The following GNAS variants were observed in gnomAD, a reference collection of about 807,000 sequenced individuals.
The protein encoded by GNAS is GNAS complex locus.
A neutral mutation model predicts 54.5 loss-of-function variants in GNAS; 8 were observed. That is an observed-to-expected ratio of 0.15 (90% CI 0.09 to 0.26). The LOEUF is 0.26. Ranked by LOEUF, GNAS falls within the 10% of genes least tolerant of loss-of-function variation. GNAS has a pLI of 1.00. For missense variants in GNAS, 170 were observed against 529.8 expected (o/e 0.32, Z 6.67); for synonymous variants, 204 against 191.4 (o/e 1.07, Z -0.54).
chr20:58,876,681 A>T (rs901249600), intron 1 of GNAS: 1 of 152,192 alleles, frequency 6.6e-6, no homozygotes, highest in Non-Finnish European at 1.5e-5. Context: ...TCTGAGCATG[A>T]GAGGCGTTTG....
intron 1 of GNAS, among the ~76,000 whole-genome samples, chr20:58,866,541 T>A (rs1395721219): frequency 2.0e-5 from 3 of 152,264 alleles, no homozygotes; most frequent in African/African-American, 2.4e-5. Flanking sequence ...TCTAAGCCCC[T>A]AATTTGCATC....
chr20:58,844,155 G>C (rs1295807210), intron 1 of GNAS: 1 of 152,212 alleles, frequency 6.6e-6, no homozygotes, highest in East Asian at 1.9e-4. Flanking sequence ...TGCTCTTCAA[G>C]AAGAGGGAAG....
chr20:58,893,273 G>C (rs1274233113), intron 1 of GNAS, among the ~76,000 whole-genome samples: 1 of 151,700 alleles, frequency 6.6e-6, no homozygotes, highest in Non-Finnish European at 1.5e-5. Context: ...AATAAAAAAA[G>C]GTTAACTATA....
chr20:58,853,860 C>G lies in GNAS; in HGVS notation c.43+12974C>G. On this transcript the variant is annotated intron_variant, in intron 1 of 12. Coordinates refer to the GNAS transcript ENST00000306090. The surrounding 1 kb of genome is among the most constrained non-coding windows in gnomAD (Gnocchi z 4.4). ...TGCTGCAGGGGTCCCCGGAGCTCCT[C>G]CCGAGGAGCCCCAAGCCCTCAGGCC... 1 of 1,593,666 alleles carries G rather than the reference C, an allele frequency of 6.3e-7. No homozygotes were observed. Among genetic ancestry groups the G allele is most frequent in the Non-Finnish European group, 8.5e-7 (1 of 1,170,798 alleles).
chr20:58,859,894 G>A (rs1002723855), intron 1 of GNAS, among the ~76,000 whole-genome samples: 1 of 152,196 alleles, frequency 6.6e-6, no homozygotes, highest in Non-Finnish European at 1.5e-5. Flanking sequence ...AAAGTTCTGG[G>A]ATTACAGGCA....
chr20:58,893,143 C>T (rs2089676070), intron 1 of GNAS, among the ~76,000 whole-genome samples: 1 of 136,394 alleles, frequency 7.3e-6, no homozygotes, highest in Non-Finnish European at 1.5e-5. Context: ...GACTTTTCCT[C>T]CAGGTGGGAA....
chr20:58,893,488 AAAG>A (rs1188636808), intron 1 of GNAS, among the ~76,000 whole-genome samples: 2 of 152,218 alleles, frequency 1.3e-5, no homozygotes, highest in Non-Finnish European at 2.9e-5. Flanking sequence ...GCTTGAGTAT[AAAG>A]AAAATAATAA....
chr20:58,854,528 C>A, intron 1 of GNAS: 2 of 1,580,446 alleles, frequency 1.3e-6, no homozygotes, highest in Non-Finnish European at 1.7e-6. Context: ...CCGATCCTGA[C>A]TCCGGGGCAT....
At chr20:58,901,918 C>T (rs1483534824) in intron 3 of GNAS, among the ~76,000 whole-genome samples, 8 of 147,700 alleles carry the variant, frequency 5.4e-5, no homozygotes, top group African/African-American at 1.3e-4. Flanking sequence ...AACCTCCCTT[C>T]GCCTTTCCTC....
At chr20:58,840,188 G>C (rs759833927), upstream of GNAS, 1 of 1,611,242 alleles carries the variant, frequency 6.2e-7, no homozygotes, top group Middle Eastern at 1.6e-4. The surrounding 1 kb of genome is among the most constrained non-coding windows in gnomAD (Gnocchi z 6.0). Context: ...AGGCCGCCGG[G>C]CAGCCACCGC....
intron 1 of GNAS, among the ~76,000 whole-genome samples, chr20:58,851,209 C>A (rs1371068995): frequency 2.6e-5 from 4 of 152,192 alleles, no homozygotes. Flanking sequence ...CAACTGTGTT[C>A]GCCTCCTTCC....
At chr20:58,891,409 G>GGCAGCGGCGGCA (rs1568976986), upstream of GNAS, 3 of 296,840 alleles carry the variant, frequency 1.0e-5, no homozygotes, top group South Asian at 2.4e-4. Context: ...CGGCGGCGGC[G>GGCAGCGGCGGCA]GCAGCGGCGG....
In GNAS at chr20:58,909,448, A is replaced by G. The variant is rs747229682; in HGVS notation, c.659+25A>G. 6.2e-7 allele frequency: 1 copy of G among 1,607,528 alleles called. No homozygotes were observed. The highest frequency in any genetic ancestry group is 8.5e-7 in the Non-Finnish European group (1 of 1,173,998). ...AGTAAGCCAACTGTTACCTTTTTAT[A>G]TAACAGAGATCATGGTTTCTTGACA... On this transcript the variant is annotated intron_variant, in intron 8 of 12. Transcript: ENST00000371085. This position sits in a 1 kb window ranked among gnomAD's most constrained non-coding sequence, Gnocchi z 7.3.
intron 1 of GNAS, chr20:58,848,851 T>G: frequency 2.5e-6 from 1 of 398,608 alleles, no homozygotes; most frequent in Non-Finnish European, 4.4e-6. Flanking sequence ...ACCCCATTAC[T>G]GATGTTTCAG....
At chr20:58,876,866 C>T (rs756600150) in intron 1 of GNAS, 1 of 152,480 alleles carries the variant, frequency 6.6e-6, no homozygotes, top group Non-Finnish European at 1.5e-5. Flanking sequence ...CCACCACCAC[C>T]GTTCCTCCTG....
chr20:58,850,247 T>C (rs1353014306), intron 1 of GNAS, among the ~76,000 whole-genome samples: 3 of 152,188 alleles, frequency 2.0e-5, no homozygotes, highest in Admixed American at 6.5e-5. Context: ...TTTCTTCCAT[T>C]TGTATGCTGC....
chr20:58,903,852 A>G (rs1390697068), intron 5 of GNAS, 61 bp downstream of exon 5: 8 of 1,586,866 alleles, frequency 5.0e-6, no homozygotes, highest in East Asian at 2.2e-5. Context: ...GTGTCCATAT[A>G]GGAACATGAG....
Position 58,891,640 on chromosome 20 carries a change from G to GCTGCCCCGGCC in GNAS, c.-84_-74dup. The GCTGCCCCGGCC allele has an allele frequency of 1.0e-6, 1 of 965,268 alleles. No individual in the cohort carries two copies. The highest frequency in any genetic ancestry group is 1.2e-6 in the Non-Finnish European group (1 of 821,008). The allele number at this position is 965,268 out of a possible 1,614,324, so 59.8% of individuals were successfully genotyped here. On this transcript the variant is annotated 5_prime_UTR_variant, in exon 1 of 13. Coordinates refer to ENST00000371085, the MANE Select transcript of GNAS (RefSeq NM_000516.7). Reference sequence around the variant, plus strand: ...CCCGCGCCCGGCCCGCCCGCCCGGCGCTGCCCCGGCCCTCCCGGCCCGCGT... The same window carrying GCTGCCCCGGCC: ...CCCGCGCCCGGCCCGCCCGCCCGGCGCTGCCCCGGCCCTGCCCCGGCCCTCCCGGCCCGCGT...
Position 58,909,231 on chromosome 20 carries a change from TC to T in GNAS, c.585+19del. 6.2e-7 allele frequency: 1 copy of T among 1,610,932 alleles called. No individual in the cohort carries two copies. The highest frequency in any genetic ancestry group is 2.2e-5 in the East Asian group (1 of 44,858). ...CGAGCGATCAGGTGTGCAAAACCCC[TC>T]CCCACCAGAGGACTCTGAGCCCTCT... On this transcript the variant is annotated intron_variant, in intron 7 of 12. Transcript: ENST00000371085. The surrounding 1 kb of genome is among the most constrained non-coding windows in gnomAD (Gnocchi z 7.3).
Sources: allele counts gnomAD v4.1 joint callset (sites outside exome capture counted in the v4.1 genomes callset), GRCh38; gene constraint gnomAD v4.1.1; non-coding constraint Gnocchi (gnomAD v3.1); transcripts MANE v1.5; gene names NCBI Gene and HGNC (gene_info 2026-07-23, HGNC 2026-07-21).